Variants in LRMDA observed in about 807,000 individuals in gnomAD.
LRMDA encodes leucine-rich melanocyte differentiation-associated protein.
A neutral mutation model predicts 29.8 loss-of-function variants in LRMDA; 18 were observed. That is an observed-to-expected ratio of 0.60 (90% CI 0.42 to 0.90). The LOEUF (loss-of-function observed/expected upper bound fraction) is 0.90, where lower values mean the gene tolerates loss of function less well. Among genes scored for constraint, LRMDA ranks in the 40% least tolerant of loss-of-function variants. The probability of loss-of-function intolerance (pLI) is 0.00; values close to 1 mark genes in which losing one functional copy is unlikely to be tolerated. For synonymous variants in LRMDA, 125 were observed against 109.4 expected, an observed-to-expected ratio of 1.14 and a Z score of -0.89; for missense variants, 273 against 273.9, an observed-to-expected ratio of 1.00 and a Z score of 0.02.
intron 5 of LRMDA, among the ~76,000 whole-genome samples, chr10:76,092,176 T>G (rs547419309): frequency 6.6e-6 from 1 of 152,202 alleles, no homozygotes. Context: ...TAGTGTGCAC[T>G]TAAATGATTT....
intron 5 of LRMDA, among the ~76,000 whole-genome samples, chr10:76,131,394 C>T (rs73285242): frequency 0.06 from 9,103 of 152,166 alleles, 894 homozygotes; most frequent in African/African-American, 0.2. Flanking sequence ...CCTTCATCCC[C>T]CATCACGTGG....
intron 2 of LRMDA, among the ~76,000 whole-genome samples, chr10:75,540,899 T>C (rs1174715047): frequency 1.3e-5 from 2 of 152,172 alleles, no homozygotes; most frequent in Non-Finnish European, 2.9e-5. Flanking sequence ...CTAGAAATTA[T>C]GGTGAATGCA....
intron 5 of LRMDA, among the ~76,000 whole-genome samples, chr10:76,140,939 A>G (rs1898107): frequency 0.7 from 106,486 of 151,832 alleles, 38,044 homozygotes; most frequent in East Asian, 0.85. Context: ...TTATTCTTTG[A>G]GTCCAACCAA....
chr10:76,533,708 C>A (rs1346132107), intron 6 of LRMDA, among the ~76,000 whole-genome samples: 2 of 152,164 alleles, frequency 1.3e-5, no homozygotes, highest in Non-Finnish European at 2.9e-5. Flanking sequence ...GCAGCATTGC[C>A]AGTTATTTAA....
chr10:75,855,276 G>A (rs1442448662), intron 2 of LRMDA, among the ~76,000 whole-genome samples: 1 of 152,090 alleles, frequency 6.6e-6, no homozygotes, highest in Non-Finnish European at 1.5e-5. Flanking sequence ...GGTGTGAGAT[G>A]GTATCTCATT....
Position 75,906,108 on chromosome 10 carries a change from T to C in LRMDA, c.132-129900T>C, listed in dbSNP as rs554952074. The stretch of plus-strand genomic sequence containing the variant: ...GAGGAAGACTCTCCCCTGCCTCTGT[T>C]TTCTCATCTTTCAAATGGTGATCAT... On this transcript the variant is annotated intron_variant, in intron 2 of 6. Coordinates refer to ENST00000611255, the MANE Select transcript of LRMDA (RefSeq NM_001305581.2). Among the ~76,000 whole-genome samples, 10 of 151,912 alleles carry C rather than the reference T, an allele frequency of 6.6e-5. No homozygotes were observed. The East Asian group carries it at 1.9e-3, about 29-fold the overall frequency.
At chr10:75,917,475 G>C (rs1845953468) in intron 2 of LRMDA, among the ~76,000 whole-genome samples, 1 of 152,176 alleles carries the variant, frequency 6.6e-6, no homozygotes, top group Non-Finnish European at 1.5e-5. Flanking sequence ...GTTCAGGAAG[G>C]ACCCATCTGA....
At chr10:75,565,297 G>A (rs1074559) in intron 2 of LRMDA, among the ~76,000 whole-genome samples, 91,453 of 151,990 alleles carry the variant, frequency 0.6, 31,021 homozygotes, top group East Asian at 0.85. Context: ...CCATTTAAAA[G>A]CACCAAGGCA....
chr10:76,351,214 C>T (rs1315545592), intron 6 of LRMDA, among the ~76,000 whole-genome samples: 1 of 152,162 alleles, frequency 6.6e-6, no homozygotes, highest in Non-Finnish European at 1.5e-5. Flanking sequence ...CACGCATTGA[C>T]TCCGAAACAG....
intron 6 of LRMDA, among the ~76,000 whole-genome samples, chr10:76,477,996 G>T (rs183543807): frequency 9.5e-4 from 145 of 152,206 alleles, no homozygotes; most frequent in African/African-American, 3.3e-3. Context: ...GCACGGGCAA[G>T]GACTTCATGT....
chr10:76,108,057 C>G (rs2132110207), intron 5 of LRMDA, among the ~76,000 whole-genome samples: 1 of 152,204 alleles, frequency 6.6e-6, no homozygotes, highest in South Asian at 2.1e-4. Context: ...TGGAGTCTAA[C>G]AGAAATTAGG....
chr10:75,854,663 A>C (rs1844791522), intron 2 of LRMDA, among the ~76,000 whole-genome samples: 1 of 152,026 alleles, frequency 6.6e-6, no homozygotes, highest in Non-Finnish European at 1.5e-5. Context: ...GGTGTGCTGC[A>C]CCCATTAACT....
intron 5 of LRMDA, among the ~76,000 whole-genome samples, chr10:76,065,974 G>T (rs921313618): frequency 6.6e-6 from 1 of 152,206 alleles, no homozygotes; most frequent in Non-Finnish European, 1.5e-5. Flanking sequence ...CTGACTTGAG[G>T]CCTGCAAACA....
At chr10:76,397,647 A>G (rs998810543) in intron 6 of LRMDA, among the ~76,000 whole-genome samples, 2 of 152,214 alleles carry the variant, frequency 1.3e-5, no homozygotes, top group Admixed American at 6.5e-5. Flanking sequence ...TGGTGGTCAC[A>G]GTGTGTCCTT....
At chr10:76,244,037 C>T (rs1385819021) in intron 5 of LRMDA, among the ~76,000 whole-genome samples, 1 of 152,074 alleles carries the variant, frequency 6.6e-6, no homozygotes, top group Admixed American at 6.5e-5. Context: ...TTATGTAGAG[C>T]TATTAGGGAA....
intron 5 of LRMDA, among the ~76,000 whole-genome samples, chr10:76,224,099 C>T (rs1421133001): frequency 1.3e-5 from 2 of 152,146 alleles, no homozygotes; most frequent in African/African-American, 4.8e-5. Context: ...TTGCTAAGCC[C>T]TGTCCTAGGA....
intron 5 of LRMDA, among the ~76,000 whole-genome samples, chr10:76,137,798 C>G (rs143841818): frequency 6.8e-6 from 1 of 146,664 alleles, no homozygotes; most frequent in African/African-American, 2.6e-5. Flanking sequence ...AAACAAAAAA[C>G]CCTAAACTTT....
rs187496587 is a variant in LRMDA, at chr10:76,446,535, A to G, written c.602-110674A>G. 2.2e-3 allele frequency among the ~76,000 whole-genome samples: 328 copies of G among 152,162 alleles called. 3 individuals are homozygous for G. Among genetic ancestry groups the G allele is most frequent in the Non-Finnish European group, 1.7e-3 (113 of 67,974 alleles). ...CATGCTGCTTTTTCTTCTAAATTTA[A>G]TTTTTTCTTAATATTTTGTAACCAT... On this transcript the variant is annotated intron_variant, in intron 6 of 6. Transcript: ENST00000611255.
At chr10:76,118,243 C>T (rs1251605007) in intron 5 of LRMDA, among the ~76,000 whole-genome samples, 1 of 152,000 alleles carries the variant, frequency 6.6e-6, no homozygotes, top group Non-Finnish European at 1.5e-5. Context: ...GGCTGCCTTC[C>T]TCTGTAATTT....
Sources: gnomAD v4.1 joint callset for allele counts (sites outside exome capture counted in the v4.1 genomes callset) on GRCh38, gnomAD v4.1.1 for gene constraint, MANE v1.5 for transcripts, NCBI Gene and HGNC (gene_info 2026-07-23, HGNC 2026-07-21) for gene names.